The following AKAP19 variants were observed in gnomAD, a reference collection of about 807,000 sequenced individuals.
AKAP19 encodes the protein A-kinase anchoring protein 19.
chr2:190,044,671 A>G, the AKAP19 span, among the ~76,000 whole-genome samples: 1 of 152,120 alleles, frequency 6.6e-6, no homozygotes, highest in South Asian at 2.1e-4. Context: ...ATGGGCACCC[A>G]TGTAACAGGC....
the AKAP19 span, among the ~76,000 whole-genome samples, chr2:190,161,309 C>G: frequency 2.0e-5 from 3 of 152,088 alleles, no homozygotes; most frequent in Non-Finnish European, 4.4e-5. Context: ...CATGGATGGT[C>G]CAGTAGGCCT....
chr2:189,939,264 C>T, the AKAP19 span, among the ~76,000 whole-genome samples: 1 of 152,132 alleles, frequency 6.6e-6, no homozygotes, highest in Non-Finnish European at 1.5e-5. Flanking sequence ...TGGGCAAAAA[C>T]CCCTAGCCAG....
the AKAP19 span, among the ~76,000 whole-genome samples, chr2:190,075,396 C>G: frequency 4.7e-4 from 71 of 152,222 alleles, no homozygotes; most frequent in African/African-American, 1.7e-3. Context: ...AATGTCAAGT[C>G]AGGTTTGTTT....
the AKAP19 span, chr2:190,057,125 T>C: frequency 2.3e-6 from 2 of 879,664 alleles, no homozygotes; most frequent in African/African-American, 3.4e-5. Context: ...TTAGTTTACA[T>C]ACTGTAGCTT....
At chr2:190,144,224 AC>A in the AKAP19 span, among the ~76,000 whole-genome samples, 4 of 145,552 alleles carry the variant, frequency 2.7e-5, no homozygotes, top group South Asian at 2.4e-4. Context: ...TAATAAAAAA[AC>A]AATTAACAAA....
the AKAP19 span, among the ~76,000 whole-genome samples, chr2:189,948,799 T>C: frequency 6.6e-6 from 1 of 152,214 alleles, no homozygotes; most frequent in Non-Finnish European, 1.5e-5. Flanking sequence ...ATACAAATTT[T>C]CAATTTTTAT....
At chr2:189,891,304 A>T in the AKAP19 span, among the ~76,000 whole-genome samples, 1 of 138,962 alleles carries the variant, frequency 7.2e-6, no homozygotes, top group Non-Finnish European at 1.5e-5. Flanking sequence ...GCTCACTGCA[A>T]CCTCTGCCTC....
At chr2:190,094,394 T>C in the AKAP19 span, among the ~76,000 whole-genome samples, 1 of 152,182 alleles carries the variant, frequency 6.6e-6, no homozygotes, top group Middle Eastern at 3.2e-3. Flanking sequence ...ATAAGAAAAC[T>C]GAGCTTCTGA....
chr2:190,067,704 T>TCATAA, the AKAP19 span, among the ~76,000 whole-genome samples: 1 of 152,184 alleles, frequency 6.6e-6, no homozygotes, highest in East Asian at 1.9e-4. Context: ...CTGGCAATCC[T>TCATAA]CATAATAATG....
the AKAP19 span, among the ~76,000 whole-genome samples, chr2:190,175,210 T>C: frequency 1.3e-5 from 2 of 152,214 alleles, no homozygotes; most frequent in African/African-American, 2.4e-5. Flanking sequence ...TTTAAAGACT[T>C]CAAAATGTAC....
the AKAP19 span, among the ~76,000 whole-genome samples, chr2:190,024,881 G>T: frequency 6.6e-6 from 1 of 152,172 alleles, no homozygotes; most frequent in East Asian, 1.9e-4. Flanking sequence ...ACTTTAAATA[G>T]CTGTCTAATG....
chr2:189,964,775 GGGCATTTCTCT>G, the AKAP19 span, among the ~76,000 whole-genome samples: 1 of 152,266 alleles, frequency 6.6e-6, no homozygotes, highest in East Asian at 1.9e-4. Flanking sequence ...AAGAGAGTTA[GGGCATTTCTCT>G]GGATTAGGCT....
the AKAP19 span, among the ~76,000 whole-genome samples, chr2:190,155,739 TTAGAA>T: frequency 2.0e-5 from 3 of 152,080 alleles, no homozygotes; most frequent in Non-Finnish European, 4.4e-5. Flanking sequence ...ATGAGGAGCT[TTAGAA>T]TAGTCATTGG....
the AKAP19 span, among the ~76,000 whole-genome samples, chr2:190,125,294 T>C: frequency 4.0e-5 from 6 of 150,096 alleles, no homozygotes; most frequent in Non-Finnish European, 7.4e-5. Context: ...GGGACCCTCA[T>C]ATACACAGTT....
At chr2:190,022,180 G>T in the AKAP19 span, among the ~76,000 whole-genome samples, 1 of 152,056 alleles carries the variant, frequency 6.6e-6, no homozygotes, top group Admixed American at 6.6e-5. Flanking sequence ...CTGCCACATT[G>T]GGGATTAAAT....
chr2:190,047,296 T>C, the AKAP19 span, among the ~76,000 whole-genome samples: 7 of 152,180 alleles, frequency 4.6e-5, no homozygotes, highest in Admixed American at 3.9e-4. Context: ...CCTTCTTCCT[T>C]CTTCTTTCCC....
At chr2:189,914,409 A>T in the AKAP19 span, among the ~76,000 whole-genome samples, 1 of 152,042 alleles carries the variant, frequency 6.6e-6, no homozygotes, top group African/African-American at 2.4e-5. Context: ...CAATTTAAAA[A>T]TTTTATTTGT....
At chr2:190,185,373 A>G in the AKAP19 span, among the ~76,000 whole-genome samples, 1 of 152,236 alleles carries the variant, frequency 6.6e-6, no homozygotes, top group Non-Finnish European at 1.5e-5. Flanking sequence ...GGAGTTTGCA[A>G]AAGAAATGTG....
At chr2:189,902,479 G>C in the AKAP19 span, among the ~76,000 whole-genome samples, 1 of 151,856 alleles carries the variant, frequency 6.6e-6, no homozygotes, top group Non-Finnish European at 1.5e-5. Context: ...TTTAAAAGAC[G>C]TTTTAAATGC....
Sources: gnomAD v4.1 joint callset for allele counts (sites outside exome capture counted in the v4.1 genomes callset) on GRCh38, gnomAD v4.1.1 for gene constraint, MANE v1.5 for transcripts, NCBI Gene and HGNC (gene_info 2026-07-23, HGNC 2026-07-21) for gene names.